PRKN: variants seen among roughly 807,000 people sequenced by gnomAD.
PRKN encodes the protein parkin RBR E3 ubiquitin protein ligase.
Under a neutral mutation model 59.5 loss-of-function variants are expected in PRKN, and 56 were observed. That is an observed-to-expected ratio of 0.94 (90% CI 0.76 to 1.18). The LOEUF (loss-of-function observed/expected upper bound fraction) is 1.18, where lower values mean the gene tolerates loss of function less well. PRKN is among the 50% of genes most tolerant of loss of function. The pLI is 0.00. For synonymous variants in PRKN, 250 were observed against 222.1 expected (o/e 1.13, Z -1.12); for missense variants, 657 against 596.4 (o/e 1.10, Z -1.06).
At chr6:161,520,264 G>T (rs372614491) in intron 9 of PRKN, among the ~76,000 whole-genome samples, 1 of 132,106 alleles carries the variant, frequency 7.6e-6, no homozygotes, top group African/African-American at 2.9e-5. Context: ...TTGCTCTGTC[G>T]TCCAGGCTGG....
chr6:162,386,034 T>C (rs538297607), intron 2 of PRKN, among the ~76,000 whole-genome samples: 27 of 152,248 alleles, frequency 1.8e-4, no homozygotes, highest in Non-Finnish European at 2.6e-4. Flanking sequence ...GTATTTTGAT[T>C]TTTTTTAAAA....
intron 6 of PRKN, among the ~76,000 whole-genome samples, chr6:161,885,310 A>G (rs1392537623): frequency 1.3e-5 from 2 of 152,138 alleles, no homozygotes; most frequent in African/African-American, 2.4e-5. Flanking sequence ...ACTGGCTTCT[A>G]TCTGGGTTCA....
At chr6:162,452,044 C>T (rs184411577) in intron 1 of PRKN, among the ~76,000 whole-genome samples, 2 of 152,226 alleles carry the variant, frequency 1.3e-5, no homozygotes, top group Admixed American at 1.3e-4. Context: ...TAAGGGTTAA[C>T]TTCTGGTCAG....
At chr6:161,492,376 A>G (rs764662152) in intron 9 of PRKN, among the ~76,000 whole-genome samples, 1 of 152,202 alleles carries the variant, frequency 6.6e-6, no homozygotes, top group African/African-American at 2.4e-5. Context: ...ATAAGGGGTA[A>G]AAGTAAAAGT....
Position 162,011,404 on chromosome 6 carries a change from AT to A in PRKN, c.619-37988del, listed in dbSNP as rs1310916608. 5.6e-4 allele frequency among the ~76,000 whole-genome samples: 9 copies of A among 16,188 alleles called. 3 individuals are homozygous for A. Among genetic ancestry groups the A allele is most frequent in the Admixed American group, 1.5e-3 (1 of 656 alleles). 10.6% of individuals were successfully genotyped at this position (16,188 alleles called of 152,430 possible). A position where few individuals can be genotyped will look rare whatever the true frequency, so the allele number is the denominator to read the frequency against. On this transcript the variant is annotated intron_variant, in intron 5 of 11. Transcript: ENST00000366898. ...TATATTTATAATATATATTATAAAT[AT>A]ATAATATATTATATTTTATAATATA... is the stretch of plus-strand genomic sequence containing the variant.
chr6:161,458,300 A>C lies in PRKN; in HGVS notation c.1084-71423T>G, dbSNP rs1790061926. On this transcript the variant is annotated intron_variant, in intron 9 of 11. Transcript: ENST00000366898. The surrounding 1 kb of genome is among the most constrained non-coding windows in gnomAD (Gnocchi z 6.1). ...TGATCATTATTGGAGAATATGATTGAAATTTTAATTATTAAGTAGGGGGAA... is the reference window on the plus strand; with the variant it reads ...TGATCATTATTGGAGAATATGATTGCAATTTTAATTATTAAGTAGGGGGAA... Among the ~76,000 whole-genome samples the C allele has an allele frequency of 1.3e-5, 2 of 152,142 alleles. No individual in the cohort carries two copies. Among genetic ancestry groups the C allele is most frequent in the Non-Finnish European group, 2.9e-5 (2 of 68,032 alleles).
intron 1 of PRKN, among the ~76,000 whole-genome samples, chr6:162,710,042 G>T (rs1414749331): frequency 1.3e-5 from 2 of 152,074 alleles, no homozygotes; most frequent in African/African-American, 2.4e-5. Flanking sequence ...TCATGACAAG[G>T]GGGCAGCAAG....
At chr6:162,029,535 G>C (rs1783560818) in intron 5 of PRKN, among the ~76,000 whole-genome samples, 1 of 152,102 alleles carries the variant, frequency 6.6e-6, no homozygotes, top group Non-Finnish European at 1.5e-5. Context: ...TTCCTCGATG[G>C]CACCGTGCAC....
intron 7 of PRKN, among the ~76,000 whole-genome samples, chr6:161,768,043 T>G (rs1789504717): frequency 6.6e-6 from 1 of 151,476 alleles, no homozygotes; most frequent in African/African-American, 2.4e-5. Flanking sequence ...GATGACTTCA[T>G]TTTTTCTACT....
At position 161,407,935 on chromosome 6, in the gene PRKN, C is replaced by T. The variant is rs1787353014; in HGVS notation, c.1084-21058G>A. 6.6e-6 allele frequency among the ~76,000 whole-genome samples: 1 copy of T among 152,186 alleles called. No homozygotes were observed. The highest frequency in any genetic ancestry group is 2.4e-5 in the African/African-American group (1 of 41,438). On this transcript the variant is annotated intron_variant, in intron 9 of 11. Coordinates refer to ENST00000366898, the MANE Select transcript of PRKN (RefSeq NM_004562.3). The surrounding 1 kb of genome is among the most constrained non-coding windows in gnomAD (Gnocchi z 4.9). ...TCCTTTAACTGTAACTTTCCACTGC[C>T]TACCCAAGTCCTATAAAGCTGCCCC...
intron 7 of PRKN, among the ~76,000 whole-genome samples, chr6:161,668,231 A>T (rs1478259291): frequency 2.1e-5 from 3 of 143,322 alleles, no homozygotes; most frequent in Non-Finnish European, 3.1e-5. Context: ...AACTCCCATT[A>T]AAAAAAAAAA....
intron 4 of PRKN, among the ~76,000 whole-genome samples, chr6:162,141,926 GC>G (rs1401546731): frequency 6.6e-6 from 1 of 152,096 alleles, no homozygotes; most frequent in Non-Finnish European, 1.5e-5. Flanking sequence ...GCGCACTCAG[GC>G]AAGATGATCA....
rs1791572021 is a variant in PRKN, at chr6:161,484,700, A to G, written c.1083+64154T>C. Among the ~76,000 whole-genome samples the G allele has an allele frequency of 6.6e-6, 1 of 152,164 alleles. No homozygotes were observed. Among genetic ancestry groups the G allele is most frequent in the Non-Finnish European group, 1.5e-5 (1 of 68,016 alleles). ...CTCACGGGCCCGTTGTGGGCACTGC[A>G]TGGTGTTTGGCACCATCCCTGCCTC... On this transcript the variant is annotated intron_variant, in intron 9 of 11. Transcript: ENST00000366898. This position sits in a 1 kb window ranked among gnomAD's most constrained non-coding sequence, Gnocchi z 4.9.
At chr6:162,182,025 C>A (rs912842762) in intron 4 of PRKN, among the ~76,000 whole-genome samples, 2 of 151,988 alleles carry the variant, frequency 1.3e-5, no homozygotes, top group Non-Finnish European at 2.9e-5. Context: ...GAGTTCCTGG[C>A]GTATTTTCTT....
chr6:162,012,717 G>C (rs930347188), intron 5 of PRKN, among the ~76,000 whole-genome samples: 1 of 152,080 alleles, frequency 6.6e-6, no homozygotes, highest in African/African-American at 2.4e-5. Flanking sequence ...CTGCTGCATT[G>C]AGTTTTCATG....
At chr6:161,998,460 T>A (rs967454668) in intron 5 of PRKN, among the ~76,000 whole-genome samples, 4 of 152,126 alleles carry the variant, frequency 2.6e-5, no homozygotes, top group African/African-American at 9.7e-5. Flanking sequence ...TGTAAATAAA[T>A]ATTTATTTGT....
chr6:162,530,428 A>G (rs1283360349), intron 1 of PRKN, among the ~76,000 whole-genome samples: 1 of 152,178 alleles, frequency 6.6e-6, no homozygotes, highest in Non-Finnish European at 1.5e-5. Flanking sequence ...GCCATAAAAC[A>G]GTGTGGCCTA....
intron 7 of PRKN, among the ~76,000 whole-genome samples, chr6:161,577,175 T>C (rs1781163857): frequency 6.6e-6 from 1 of 152,198 alleles, no homozygotes; most frequent in Non-Finnish European, 1.5e-5. Context: ...CTTCACAGTG[T>C]TATGCATGTA....
chr6:162,101,628 T>C (rs376837233), intron 4 of PRKN, among the ~76,000 whole-genome samples: 1 of 151,804 alleles, frequency 6.6e-6, no homozygotes, highest in Non-Finnish European at 1.5e-5. Context: ...GCCGAGATCG[T>C]GCCACTGCAC....
Sources: gnomAD v4.1 joint callset for allele counts (sites outside exome capture counted in the v4.1 genomes callset) on GRCh38, gnomAD v4.1.1 for gene constraint, Gnocchi (gnomAD v3.1) non-coding constraint, MANE v1.5 for transcripts, NCBI Gene and HGNC (gene_info 2026-07-23, HGNC 2026-07-21) for gene names.